DCBLD2: variants seen among roughly 807,000 people sequenced by gnomAD.
DCBLD2 encodes discoidin, CUB and LCCL domain-containing protein 2.
Under a neutral mutation model 86.8 loss-of-function variants are expected in DCBLD2, and 54 were observed. The ratio of observed to expected loss-of-function variants is 0.62; its 90% CI spans 0.50 to 0.78. The LOEUF (loss-of-function observed/expected upper bound fraction) is 0.78. DCBLD2 is among the 30% of genes least tolerant of loss of function. The probability of loss-of-function intolerance (pLI) is 0.00; values close to 1 mark genes in which losing one functional copy is unlikely to be tolerated. For missense variants in DCBLD2, 908 were observed against 954.2 expected, an observed-to-expected ratio of 0.95 and a Z score of 0.64; for synonymous variants, 354 against 341.3, an observed-to-expected ratio of 1.04 and a Z score of -0.41.
At chr3:98,856,535 C>T (rs891516272) in intron 2 of DCBLD2, among the ~76,000 whole-genome samples, 2 of 151,958 alleles carry the variant, frequency 1.3e-5, no homozygotes, top group Admixed American at 6.6e-5. Context: ...ATGGGAATCC[C>T]TAAAATTTAG....
At chr3:98,801,277 T>C (rs982601898) in intron 14 of DCBLD2, 2 of 317,618 alleles carry the variant, frequency 6.3e-6, no homozygotes, top group African/African-American at 4.3e-5. Flanking sequence ...CACAGTCTTT[T>C]GTTTCTTACT....
intron 13 of DCBLD2, among the ~76,000 whole-genome samples, chr3:98,802,786 C>A (rs903691474): frequency 2.4e-4 from 37 of 152,298 alleles, no homozygotes; most frequent in Non-Finnish European, 4.7e-4. Flanking sequence ...GTTTTCCCAG[C>A]ACCATTTATT....
At chr3:98,806,604 G>A (rs1002410285) in intron 13 of DCBLD2, among the ~76,000 whole-genome samples, 7 of 152,062 alleles carry the variant, frequency 4.6e-5, no homozygotes, top group Admixed American at 3.9e-4. Flanking sequence ...CATTGCATCC[G>A]TTCCTAATCT....
At chr3:98,815,496 C>A (rs1051553330) in intron 9 of DCBLD2, 2 of 152,050 alleles carry the variant, frequency 1.3e-5, no homozygotes, top group African/African-American at 4.8e-5. Flanking sequence ...TAACAAAAAA[C>A]CCCAGCACCA....
At chr3:98,840,492 T>C (rs1942599815) in intron 3 of DCBLD2, among the ~76,000 whole-genome samples, 1 of 152,174 alleles carries the variant, frequency 6.6e-6, no homozygotes, top group Non-Finnish European at 1.5e-5. Context: ...ATGTTCAAAG[T>C]ACGGGGCAGT....
At chr3:98,805,821 G>A (rs868424076) in intron 13 of DCBLD2, among the ~76,000 whole-genome samples, 43 of 151,998 alleles carry the variant, frequency 2.8e-4, no homozygotes, top group African/African-American at 8.7e-4. Flanking sequence ...TCTCAACAGC[G>A]GCACTCCTCA....
chr3:98,899,933 G>A (rs943971401), intron 1 of DCBLD2, among the ~76,000 whole-genome samples: 1 of 152,088 alleles, frequency 6.6e-6, no homozygotes, highest in Non-Finnish European at 1.5e-5. Flanking sequence ...TGGAAAGAAG[G>A]ATTTCACACT....
intron 13 of DCBLD2, among the ~76,000 whole-genome samples, chr3:98,803,052 G>T (rs1576153552): frequency 6.6e-6 from 1 of 152,092 alleles, no homozygotes; most frequent in Non-Finnish European, 1.5e-5. Context: ...GGTTCTATAT[G>T]AACTTTAAAG....
intron 9 of DCBLD2, among the ~76,000 whole-genome samples, chr3:98,817,366 G>A (rs958636120): frequency 5.9e-5 from 9 of 152,128 alleles, no homozygotes; most frequent in African/African-American, 1.9e-4. Context: ...TTTAATGCAC[G>A]TTGGTTTTCA....
chr3:98,882,022 T>A (rs773691128), intron 1 of DCBLD2, among the ~76,000 whole-genome samples: 31 of 152,218 alleles, frequency 2.0e-4, no homozygotes, highest in Non-Finnish European at 3.2e-4. Context: ...TTATCACTTG[T>A]GTTACCTGAA....
rs770898952 is a variant in DCBLD2 at position 98,817,851 on chromosome 3, T to C, written c.1130A>G (p.Tyr377Cys). The C allele has an allele frequency of 4.3e-6, 7 of 1,613,644 alleles. No individual in the cohort carries two copies. Among genetic ancestry groups the C allele is most frequent in the East Asian group, 2.2e-5 (1 of 44,846 alleles). ...GTACAGGATTCTGTAGGCAGACACATAGTAATTGTGCTCCACCATGGTGGA... is the reference window on the plus strand; with the variant it reads ...GTACAGGATTCTGTAGGCAGACACACAGTAATTGTGCTCCACCATGGTGGA... ...TGSTMVEHNY[Y>C]VSAYRILYSD... The change falls in exon 9 of 16, where the codon TAT becomes TGT. Residue 377 changes from tyrosine (Y) to cysteine (C), a missense_variant. Transcript: ENST00000326840.
intron 12 of DCBLD2, among the ~76,000 whole-genome samples, chr3:98,809,291 T>TG (rs1458291870): frequency 6.6e-6 from 1 of 152,130 alleles, no homozygotes; most frequent in African/African-American, 2.4e-5. Flanking sequence ...TGATATTTAC[T>TG]GGGGGCTCAG....
intron 3 of DCBLD2, among the ~76,000 whole-genome samples, chr3:98,834,821 C>G (rs1048110153): frequency 1.3e-5 from 2 of 152,268 alleles, no homozygotes; most frequent in Non-Finnish European, 2.9e-5. Context: ...AAGTTAAAAG[C>G]CTCCCCTCAG....
intron 13 of DCBLD2, among the ~76,000 whole-genome samples, chr3:98,803,623 A>T (rs188404272): frequency 9.8e-5 from 15 of 152,300 alleles, no homozygotes; most frequent in South Asian, 4.1e-4. Context: ...GTCTTGTGCC[A>T]GTTTTCAAAG....
intron 1 of DCBLD2, among the ~76,000 whole-genome samples, chr3:98,889,361 G>C (rs1302282721): frequency 6.6e-6 from 1 of 151,860 alleles, no homozygotes; most frequent in African/African-American, 2.4e-5. Context: ...CTAATTAAAG[G>C]TTCTCAGGCT....
At chr3:98,865,137 G>C (rs59906228) in intron 2 of DCBLD2, among the ~76,000 whole-genome samples, 8,005 of 152,144 alleles carry the variant, frequency 0.053, 219 homozygotes, top group African/African-American at 0.071. Flanking sequence ...AATGAAATCA[G>C]TATGTTGAAA....
At position 98,878,361 on chromosome 3, in the gene DCBLD2, G is replaced by C. The variant is rs1464022309; in HGVS notation, c.433+3179C>G. Among the ~76,000 whole-genome samples, 3 of 152,112 alleles carry C rather than the reference G, an allele frequency of 2.0e-5. No individual in the cohort carries two copies. The South Asian group carries it at 6.2e-4, about 31-fold the overall frequency. On this transcript the variant is annotated intron_variant, in intron 2 of 15. Coordinates refer to ENST00000326840, the MANE Select transcript of DCBLD2 (RefSeq NM_080927.4). ...GTCACTGGAATCTAATAATGAGGAA[G>C]CATCAGACACACATCCCACGAAATC...
chr3:98,860,715 C>A (rs1943025539), intron 2 of DCBLD2, among the ~76,000 whole-genome samples: 1 of 152,162 alleles, frequency 6.6e-6, no homozygotes. Flanking sequence ...AAAAGAGCTC[C>A]TAAAGGAAGC....
Position 98,799,239 on chromosome 3 carries a change from C to T in DCBLD2, c.*133G>A. On this transcript the variant is annotated 3_prime_UTR_variant, in exon 16 of 16. Transcript: ENST00000326840. ...ATGGCAAGATTAGTAGTTTCCTGTA[C>T]CTCAGTCACCACATTTTCCCCAACC... 3.2e-6 allele frequency: 3 copies of T among 948,268 alleles called. No homozygotes were observed. The highest frequency in any genetic ancestry group is 3.5e-5 in the South Asian group (2 of 57,040). The allele number at this position is 948,268 out of a possible 1,614,324, so 58.7% of individuals were successfully genotyped here.
Sources: gnomAD v4.1 joint callset for allele counts (sites outside exome capture counted in the v4.1 genomes callset) on GRCh38, gnomAD v4.1.1 for gene constraint, MANE v1.5 for transcripts, NCBI Gene and HGNC (gene_info 2026-07-23, HGNC 2026-07-21) for gene names.